Variants in ARHGEF37 observed in about 807,000 individuals in gnomAD.
ARHGEF37 encodes Rho guanine nucleotide exchange factor (GEF) 37.
A neutral mutation model predicts 71.1 loss-of-function variants in ARHGEF37; 55 were observed. The observed-to-expected ratio is 0.77, with a 90% CI of 0.62 to 0.97. The LOEUF is 0.97. Among genes scored for constraint, ARHGEF37 ranks in the 50% least tolerant of loss-of-function variants. ARHGEF37 has a pLI of 0.00. For missense variants in ARHGEF37, 765 were observed against 836.8 expected (o/e 0.91, Z 1.06); for synonymous variants, 327 against 350.6 (o/e 0.93, Z 0.75).
chr5:149,578,358 G>A (rs1763050714), upstream of ARHGEF37, among the ~76,000 whole-genome samples: 1 of 152,208 alleles, frequency 6.6e-6, no homozygotes, highest in African/African-American at 2.4e-5. Flanking sequence ...AACTGGTCTA[G>A]GAGTTCTGTC....
rs1278095605 is a variant in ARHGEF37, at chr5:149,628,858, C to A, written c.1710C>A (p.Val570=). 3.7e-6 allele frequency: 6 copies of A among 1,613,218 alleles called. No individual in the cohort carries two copies. The East Asian group carries it at 1.1e-4, about 30-fold the overall frequency. ...PAGKLQLYHV[V]PSAEELRRQA... The stretch of plus-strand genomic sequence containing the variant: ...GGAAACTACAGCTGTACCATGTGGT[C>A]CCCAGTGCAGAGGAGCTCAGAAGGC... Residue 570 remains valine (V), a synonymous_variant, in exon 12 of 13, where the codon GTC becomes GTA. Coordinates refer to ENST00000333677, the MANE Select transcript of ARHGEF37 (RefSeq NM_001001669.3).
chr5:149,619,596 A>C (rs532861839), intron 7 of ARHGEF37, among the ~76,000 whole-genome samples: 43 of 152,346 alleles, frequency 2.8e-4, no homozygotes, highest in African/African-American at 1.0e-3. Context: ...ACTTTAAGAA[A>C]AACACACCTG....
intron 1 of ARHGEF37, among the ~76,000 whole-genome samples, chr5:149,573,489 A>G (rs1318813603): frequency 6.6e-6 from 1 of 152,168 alleles, no homozygotes; most frequent in Non-Finnish European, 1.5e-5. Flanking sequence ...TTCTTGACCA[A>G]ATTATTTAAA....
chr5:149,625,042 G>A (rs1306130389), intron 10 of ARHGEF37, among the ~76,000 whole-genome samples: 3 of 151,530 alleles, frequency 2.0e-5, no homozygotes, highest in Non-Finnish European at 2.9e-5. Flanking sequence ...GGGATTACAG[G>A]CACCCACCAC....
At chr5:149,551,822 C>A (rs1762673675), upstream of ARHGEF37, 1 of 145,692 alleles carries the variant, frequency 6.9e-6, no homozygotes, top group South Asian at 2.1e-4. Context: ...AACCTTTGAT[C>A]TTTCTTCTGG....
At chr5:149,594,674 G>GT (rs1349931507) in intron 1 of ARHGEF37, among the ~76,000 whole-genome samples, 2 of 152,170 alleles carry the variant, frequency 1.3e-5, no homozygotes, top group Non-Finnish European at 2.9e-5. Flanking sequence ...CAAGAGCTTA[G>GT]TGTCTAGCCA....
chr5:149,609,587 T>C lies in ARHGEF37; in HGVS notation c.350T>C (p.Val117Ala). The C allele has an allele frequency of 1.2e-6, 2 of 1,613,956 alleles. No homozygotes were observed. The highest frequency in any genetic ancestry group is 8.5e-7 in the Non-Finnish European group (1 of 1,180,010). Residue 117 changes from valine to alanine, a missense_variant, in exon 4 of 13, where the codon GTC (valine) becomes GCC (alanine). Val to Ala is a moderately conservative substitution (Grantham distance 64, BLOSUM62 0). Coordinates refer to ENST00000333677, the MANE Select transcript of ARHGEF37 (RefSeq NM_001001669.3). ...GAATTCCAAGAGGAGTTGGAGCAAG[T>C]CTATAAGGTCTACTGTGCCAGCTAC... ...FLEFQEELEQ[V>A]YKVYCASYDQ...
chr5:149,616,517 G>A (rs998384341), intron 4 of ARHGEF37, 50 bp from the exon 5 acceptor site: 6 of 1,538,880 alleles, frequency 3.9e-6, no homozygotes. Flanking sequence ...AGGCCCCCTG[G>A]TCCTCCAGAG....
chr5:149,617,130 C>T (rs1752404355), intron 5 of ARHGEF37, among the ~76,000 whole-genome samples: 1 of 152,244 alleles, frequency 6.6e-6, no homozygotes, highest in African/African-American at 2.4e-5. Context: ...CCACCTGGGT[C>T]ATGTGCTTAC....
Position 149,609,696 on chromosome 5 carries a change from G to A in ARHGEF37, c.458+1G>A, listed in dbSNP as rs200166388. On this transcript the variant is annotated splice_donor_variant, in intron 4 of 12. Coordinates refer to ENST00000333677, the MANE Select transcript of ARHGEF37 (RefSeq NM_001001669.3). LOFTEE classifies it high-confidence loss of function. ...TCCAGGGCATCGTTGAGGCGGTGGT[G>A]TGAGTAGAACGGCCAGTGAGCACTC... The A allele has an allele frequency of 6.4e-3, 10,380 of 1,612,264 alleles. 40 individuals carry two copies. Among genetic ancestry groups the A allele is most frequent in the Non-Finnish European group, 7.4e-3 (8,756 of 1,180,002 alleles).
chr5:149,572,927 TA>T (rs199944129), intron 1 of ARHGEF37, among the ~76,000 whole-genome samples: 18 of 151,968 alleles, frequency 1.2e-4, no homozygotes, highest in Admixed American at 3.9e-4. Context: ...TAATTTATTT[TA>T]AAAAAAAATT....
upstream of ARHGEF37, among the ~76,000 whole-genome samples, chr5:149,579,783 T>C (rs1046655701): frequency 6.6e-6 from 1 of 151,864 alleles, no homozygotes; most frequent in African/African-American, 2.4e-5. Context: ...GGTTTCAACA[T>C]GTTGGCCAGG....
intron 4 of ARHGEF37, among the ~76,000 whole-genome samples, chr5:149,615,355 C>A (rs552111115): frequency 2.4e-4 from 36 of 149,590 alleles, no homozygotes; most frequent in African/African-American, 8.1e-4. Context: ...CCAGGCTGGT[C>A]TTGAACTCCT....
intron 2 of ARHGEF37, among the ~76,000 whole-genome samples, chr5:149,600,699 G>A (rs1479313249): frequency 6.6e-6 from 1 of 150,870 alleles, no homozygotes; most frequent in Non-Finnish European, 1.5e-5. Flanking sequence ...GGAGTGCAGT[G>A]GCACGATCTC....
chr5:149,565,828 AATTTTTTTTTTTTTTTTTTTTT>A (rs781661651), intron 1 of ARHGEF37, among the ~76,000 whole-genome samples: 2 of 69,934 alleles, frequency 2.9e-5, no homozygotes, highest in South Asian at 6.3e-4. Flanking sequence ...CAGAAACTCT[AATTTTTTTTTTTTTTTTTTTTT>A]TTTTTTTTTT....
chr5:149,601,090 C>T lies in ARHGEF37; in HGVS notation c.187-18C>T. On this transcript the variant is annotated intron_variant, in intron 2 of 12. Coordinates refer to ENST00000333677, the MANE Select transcript of ARHGEF37 (RefSeq NM_001001669.3). ...TGGAACTCCCAACCACCTCTCATGG[C>T]TTCTTTGTTCCTTCCAGTTGCCGCA... The T allele has an allele frequency of 6.2e-7, 1 of 1,604,690 alleles. No individual in the cohort carries two copies. Among genetic ancestry groups the T allele is most frequent in the Non-Finnish European group, 8.5e-7 (1 of 1,172,660 alleles).
At chr5:149,562,782 C>A (rs1428287069) in intron 1 of ARHGEF37, among the ~76,000 whole-genome samples, 1 of 152,180 alleles carries the variant, frequency 6.6e-6, no homozygotes, top group East Asian at 1.9e-4. Context: ...TCCTTACATT[C>A]CACACCACTG....
intron 3 of ARHGEF37, 83 bp from the exon 4 acceptor site, chr5:149,609,465 G>T (rs559971606): frequency 2.0e-6 from 3 of 1,470,942 alleles, no homozygotes; most frequent in Non-Finnish European, 2.8e-6. Flanking sequence ...GAGCTGGAGG[G>T]GTTTACTTAC....
At chr5:149,560,101 GT>G (rs1251009336) in intron 1 of ARHGEF37, among the ~76,000 whole-genome samples, 1 of 151,966 alleles carries the variant, frequency 6.6e-6, no homozygotes, top group African/African-American at 2.4e-5. Flanking sequence ...GTAATCTCAT[GT>G]TTTTTTGTTT....
Sources: gnomAD v4.1 joint callset for allele counts (sites outside exome capture counted in the v4.1 genomes callset) on GRCh38, gnomAD v4.1.1 for gene constraint, MANE v1.5 for transcripts, NCBI Gene and HGNC (gene_info 2026-07-23, HGNC 2026-07-21) for gene names.